Variants in NDST4 observed in about 807,000 individuals in gnomAD.
NDST4 encodes the protein N-heparan sulfate sulfotransferase 4.
Under a neutral mutation model 100.8 loss-of-function variants are expected in NDST4, and 63 were observed. That is an observed-to-expected ratio of 0.62 (90% CI 0.51 to 0.77). NDST4 has a LOEUF of 0.77. NDST4 is among the 30% of genes least tolerant of loss of function. The probability of loss-of-function intolerance (pLI) is 0.00; values close to 1 mark genes in which losing one functional copy is unlikely to be tolerated. For synonymous variants in NDST4, 377 were observed against 361.8 expected, an observed-to-expected ratio of 1.04 and a Z score of -0.48; for missense variants, 943 against 1,018.4, an observed-to-expected ratio of 0.93 and a Z score of 1.01.
chr4:115,086,139 T>G (rs1174653881), intron 1 of NDST4, among the ~76,000 whole-genome samples: 2 of 152,178 alleles, frequency 1.3e-5, no homozygotes, highest in African/African-American at 4.8e-5. Context: ...CTCTTATGAT[T>G]CTGAGTGGTT....
At chr4:115,019,729 A>T (rs1236992142) in intron 2 of NDST4, among the ~76,000 whole-genome samples, 1 of 152,160 alleles carries the variant, frequency 6.6e-6, no homozygotes, top group African/African-American at 2.4e-5. Context: ...TGGGACCCCT[A>T]AGAGGTGATC....
chr4:115,042,110 TAATA>T (rs1379224798), intron 2 of NDST4, among the ~76,000 whole-genome samples: 1 of 152,146 alleles, frequency 6.6e-6, no homozygotes, highest in Non-Finnish European at 1.5e-5. Context: ...CTGAAAATAT[TAATA>T]AATGGAAAAT....
At chr4:115,071,409 C>T (rs1303004813) in intron 2 of NDST4, among the ~76,000 whole-genome samples, 1 of 151,750 alleles carries the variant, frequency 6.6e-6, no homozygotes, top group Admixed American at 6.6e-5. Context: ...TGGAAGTGGC[C>T]AAGGAAGAGT....
intron 6 of NDST4, among the ~76,000 whole-genome samples, chr4:114,918,711 G>T (rs1725229473): frequency 6.6e-6 from 1 of 152,086 alleles, no homozygotes; most frequent in African/African-American, 2.4e-5. Context: ...CTTGGGCTTG[G>T]AAACTCCCCG....
intron 1 of NDST4, among the ~76,000 whole-genome samples, chr4:115,079,363 G>GA (rs199667475): frequency 0.082 from 6,339 of 77,658 alleles, 396 homozygotes; most frequent in African/African-American, 0.2. Context: ...CTCTGTCTCA[G>GA]AAAAAAAAAA....
chr4:115,036,479 T>C (rs1325049067), intron 2 of NDST4, among the ~76,000 whole-genome samples: 1 of 151,668 alleles, frequency 6.6e-6, no homozygotes, highest in East Asian at 1.9e-4. Flanking sequence ...CTAATAATAG[T>C]ATCTATGAAG....
intron 2 of NDST4, among the ~76,000 whole-genome samples, chr4:115,005,086 C>T (rs1727384051): frequency 6.6e-6 from 1 of 151,976 alleles, no homozygotes; most frequent in Non-Finnish European, 1.5e-5. Flanking sequence ...TATGGGATAC[C>T]TATTATGTGA....
intron 6 of NDST4, among the ~76,000 whole-genome samples, chr4:114,881,150 AT>A (rs61259325): frequency 6.6e-6 from 1 of 152,044 alleles, no homozygotes; most frequent in African/African-American, 2.4e-5. Flanking sequence ...TCAGATATGC[AT>A]TTTACAAATT....
At chr4:114,845,149 G>C (rs1188795311) in intron 10 of NDST4, among the ~76,000 whole-genome samples, 1 of 152,086 alleles carries the variant, frequency 6.6e-6, no homozygotes, top group Non-Finnish European at 1.5e-5. Context: ...GGGCAACATG[G>C]TGAAACCCCA....
chr4:115,044,274 T>G (rs560032686), intron 2 of NDST4, among the ~76,000 whole-genome samples: 1 of 152,090 alleles, frequency 6.6e-6, no homozygotes, highest in Non-Finnish European at 1.5e-5. Flanking sequence ...ACATATATCT[T>G]TTACATTAAT....
At chr4:114,898,392 C>A (rs1724762552) in intron 6 of NDST4, among the ~76,000 whole-genome samples, 1 of 152,066 alleles carries the variant, frequency 6.6e-6, no homozygotes. Context: ...TCTGGATTTT[C>A]TACTATCTTC....
At chr4:114,941,628 A>C (rs1725752708) in intron 4 of NDST4, among the ~76,000 whole-genome samples, 1 of 152,090 alleles carries the variant, frequency 6.6e-6, no homozygotes, top group Non-Finnish European at 1.5e-5. Context: ...CAAATAAGCA[A>C]GTTTTTTTCT....
intron 6 of NDST4, among the ~76,000 whole-genome samples, chr4:114,882,539 C>T (rs947428071): frequency 1.3e-5 from 2 of 151,402 alleles, no homozygotes; most frequent in East Asian, 3.9e-4. Context: ...AATTAGTGAG[C>T]TTGAAGAGAG....
chr4:114,945,665 TCTC>T (rs1196659833), intron 4 of NDST4, among the ~76,000 whole-genome samples: 20 of 152,332 alleles, frequency 1.3e-4, no homozygotes, highest in African/African-American at 4.8e-4. Context: ...GCTGGTTTCT[TCTC>T]CTAAATGCAC....
rs1339075072 is a variant in NDST4 at position 114,836,885 on chromosome 4, GC to G, written c.2286+2492del. On this transcript the variant is annotated intron_variant, in intron 11 of 13. Transcript: ENST00000264363. ...GTAAGTTGATCTTCAATCTCTGATAGCTTTTATTCTGCTTGATCGATTCGGC... is the reference window on the plus strand; with the variant it reads ...GTAAGTTGATCTTCAATCTCTGATAGTTTTATTCTGCTTGATCGATTCGGC... Among the ~76,000 whole-genome samples the G allele has an allele frequency of 1.5e-4, 23 of 152,022 alleles. No individual in the cohort carries two copies. In the East Asian group the frequency reaches 4.5e-3, roughly 29 times the overall value.
At chr4:115,086,477 AAATTT>A (rs1729412190) in intron 1 of NDST4, among the ~76,000 whole-genome samples, 1 of 152,096 alleles carries the variant, frequency 6.6e-6, no homozygotes, top group East Asian at 1.9e-4. Flanking sequence ...GACATAATAT[AAATTT>A]ATTTTAGTCC....
chr4:115,058,097 T>A (rs1198084903), intron 2 of NDST4, among the ~76,000 whole-genome samples: 1 of 152,072 alleles, frequency 6.6e-6, no homozygotes, highest in African/African-American at 2.4e-5. Context: ...ACAAAAAACA[T>A]CCAGAAAGTA....
Position 115,021,691 on chromosome 4 carries a change from A to C in NDST4, c.979-44417T>G, listed in dbSNP as rs368062228. 1.6e-4 allele frequency among the ~76,000 whole-genome samples: 24 copies of C among 151,650 alleles called. No homozygotes were observed. The East Asian group carries it at 3.9e-3, about 25-fold the overall frequency. Reference sequence around the variant, plus strand: ...ACATATACACATTCCATATATATACACGTTCCACATCTATACACATTCCAT... The same window carrying C: ...ACATATACACATTCCATATATATACCCGTTCCACATCTATACACATTCCAT... On this transcript the variant is annotated intron_variant, in intron 2 of 13. Coordinates refer to ENST00000264363, the MANE Select transcript of NDST4 (RefSeq NM_022569.3).
chr4:114,962,748 A>G (rs1204403793), intron 4 of NDST4, among the ~76,000 whole-genome samples: 2 of 152,140 alleles, frequency 1.3e-5, no homozygotes, highest in Non-Finnish European at 2.9e-5. Flanking sequence ...ATTGAGTTGC[A>G]GATTGACTGC....
Sources: gnomAD v4.1 joint callset for allele counts (sites outside exome capture counted in the v4.1 genomes callset) on GRCh38, gnomAD v4.1.1 for gene constraint, MANE v1.5 for transcripts, NCBI Gene and HGNC (gene_info 2026-07-23, HGNC 2026-07-21) for gene names.